Variants in TBC1D14 observed in about 807,000 individuals in gnomAD.
TBC1D14 encodes the protein TBC1 domain family member 14, also known as TBC1 domain family, member 14.
Under a neutral mutation model 79.0 loss-of-function variants are expected in TBC1D14, and 26 were observed. That is an observed-to-expected ratio of 0.33 (90% confidence interval 0.24 to 0.46). TBC1D14 has a LOEUF of 0.46. Ranked by LOEUF, TBC1D14 falls within the 20% of genes least tolerant of loss-of-function variation. The probability of loss-of-function intolerance (pLI) is 1.00; values close to 1 mark genes in which losing one functional copy is unlikely to be tolerated. For missense variants in TBC1D14, 769 were observed against 887.6 expected (o/e 0.87, Z 1.70); for synonymous variants, 394 against 349.9 (o/e 1.13, Z -1.40).
chr4:6,916,322 T>C (rs1723397493), intron 1 of TBC1D14, among the ~76,000 whole-genome samples: 1 of 152,090 alleles, frequency 6.6e-6, no homozygotes, highest in Non-Finnish European at 1.5e-5. Context: ...GAGTGCTTCG[T>C]GCTCCAGCCC....
At chr4:7,021,498 G>A (rs947346828) in intron 12 of TBC1D14, among the ~76,000 whole-genome samples, 1 of 152,146 alleles carries the variant, frequency 6.6e-6, no homozygotes, top group African/African-American at 2.4e-5. Context: ...TCAGGAGGCT[G>A]AGCTAGGAGG....
intron 7 of TBC1D14, among the ~76,000 whole-genome samples, chr4:7,001,781 C>G (rs1218172758): frequency 6.6e-6 from 1 of 152,176 alleles, no homozygotes; most frequent in Non-Finnish European, 1.5e-5. Context: ...TGTACACTTC[C>G]TCCCTCAGGC....
At chr4:7,009,835 G>A (rs369202019) in intron 9 of TBC1D14, 42 bp from the exon 10 acceptor site, 4 of 1,598,272 alleles carry the variant, frequency 2.5e-6, no homozygotes, top group Non-Finnish European at 2.6e-6. Flanking sequence ...AGCACTAACA[G>A]TACTCATGCA....
Position 7,006,549 on chromosome 4 carries a change from G to T in TBC1D14, c.1352-83G>T. On this transcript the variant is annotated intron_variant, in intron 8 of 13. Transcript: ENST00000409757. The stretch of plus-strand genomic sequence containing the variant: ...TCTGAAAAACTTTTTTCCGTGTTTT[G>T]TTCTTGTAAAACTTCAAAGGCTCGT... The T allele has an allele frequency of 5.4e-6, 7 of 1,302,900 alleles. No homozygotes were observed. The Admixed American group carries it at 6.1e-5, about 11-fold the overall frequency. The allele number at this position is 1,302,900 out of a possible 1,614,324, so 80.7% of individuals were successfully genotyped here.
chr4:6,972,469 C>T (rs1010094281), intron 3 of TBC1D14, among the ~76,000 whole-genome samples: 1 of 152,174 alleles, frequency 6.6e-6, no homozygotes, highest in African/African-American at 2.4e-5. Context: ...CCAGGCTGCC[C>T]GTTCGCCCAC....
At chr4:6,915,366 C>T in intron 1 of TBC1D14, among the ~76,000 whole-genome samples, 1 of 152,252 alleles carries the variant, frequency 6.6e-6, no homozygotes, top group East Asian at 1.9e-4. Context: ...GGTTGGGGGT[C>T]ACTGCACCTG....
At chr4:6,944,543 T>C (rs1449742040) in intron 2 of TBC1D14, among the ~76,000 whole-genome samples, 1 of 152,154 alleles carries the variant, frequency 6.6e-6, no homozygotes, top group African/African-American at 2.4e-5. Context: ...CCGGGAGCCG[T>C]CTGTCCTTGG....
intron 1 of TBC1D14, chr4:6,910,324 G>GC (rs1364391727): frequency 6.6e-6 from 1 of 152,406 alleles, no homozygotes; most frequent in Admixed American, 6.5e-5. Context: ...CGACCCCGGA[G>GC]CCCCCTTCCA....
chr4:7,014,699 G>T, intron 12 of TBC1D14, 142 bp downstream of exon 12: 5 of 624,332 alleles, frequency 8.0e-6, no homozygotes, highest in Non-Finnish European at 1.4e-5. Context: ...CTGCCCTTGA[G>T]TTTTATTTCC....
chr4:6,924,057 C>A lies in TBC1D14; in HGVS notation c.668C>A (p.Ala223Asp), dbSNP rs1176318258. Residue 223 changes from alanine (A) to aspartate (D), a missense_variant, in exon 2 of 14, where the codon GCT becomes GAT. Ala to Asp is a moderately radical substitution (Grantham distance 126). Around this residue, in one of 2 missense-constraint regions of TBC1D14, gnomAD observed 402 missense variants for 393.2 expected, o/e 1.02. Coordinates refer to ENST00000409757, the MANE Select transcript of TBC1D14 (RefSeq NM_020773.3). ...CACCAGCAGGACTGTGTTCATGAAG[C>A]TGAGGAGGGGAGTAAATTGAAAATA... ...GLHQQDCVHEAEEGSKLKILG... is the reference protein window; with the variant it reads ...GLHQQDCVHEDEEGSKLKILG... The A allele has an allele frequency of 6.2e-7, 1 of 1,613,896 alleles. No homozygotes were observed. Among genetic ancestry groups the A allele is most frequent in the African/African-American group, 1.3e-5 (1 of 74,938 alleles).
intron 3 of TBC1D14, among the ~76,000 whole-genome samples, chr4:6,992,975 C>A (rs1718659227): frequency 6.6e-6 from 1 of 152,232 alleles, no homozygotes; most frequent in Non-Finnish European, 1.5e-5. Flanking sequence ...TGGTGCACGT[C>A]CTTCTCATAG....
At chr4:6,966,199 T>G (rs561075901) in intron 2 of TBC1D14, among the ~76,000 whole-genome samples, 46 of 152,226 alleles carry the variant, frequency 3.0e-4, no homozygotes, top group Non-Finnish European at 4.7e-4. Context: ...GGCTACTGTT[T>G]CTTTTAGACA....
intron 2 of TBC1D14, among the ~76,000 whole-genome samples, chr4:6,938,401 A>G (rs559688063): frequency 6.6e-6 from 1 of 152,238 alleles, no homozygotes. Context: ...CCAAGAGGAA[A>G]CATCTGGGAG....
At chr4:6,967,849 C>A (rs1364118205) in intron 3 of TBC1D14, among the ~76,000 whole-genome samples, 1 of 151,888 alleles carries the variant, frequency 6.6e-6, no homozygotes, top group Admixed American at 6.5e-5. Flanking sequence ...GGCCGACATT[C>A]CCCGGCTCTG....
At chr4:6,992,771 C>T (rs550115878) in intron 3 of TBC1D14, among the ~76,000 whole-genome samples, 4 of 152,332 alleles carry the variant, frequency 2.6e-5, no homozygotes, top group East Asian at 1.9e-4. Flanking sequence ...TCTTAGGTCA[C>T]GGCTGTGTAC....
intron 2 of TBC1D14, among the ~76,000 whole-genome samples, chr4:6,926,129 T>C (rs67386718): frequency 0.13 from 20,054 of 152,224 alleles, 1,792 homozygotes; most frequent in African/African-American, 0.25. Flanking sequence ...ATTATGCTGT[T>C]GACGAACGCC....
chr4:6,927,460 C>T (rs1244083479), intron 2 of TBC1D14, among the ~76,000 whole-genome samples: 1 of 152,150 alleles, frequency 6.6e-6, no homozygotes, highest in African/African-American at 2.4e-5. Flanking sequence ...TCAAATAGAG[C>T]ATTTAACTTC....
Position 6,950,117 on chromosome 4 carries a change from C to T in TBC1D14, c.723-17187C>T, listed in dbSNP as rs111234396. On this transcript the variant is annotated intron_variant, in intron 2 of 13. Transcript: ENST00000409757. ...GTGATGTTCGCTCCCTGTGTCCATG[C>T]GTACTCATTGTTCAACTCCCCCTTA... Among the ~76,000 whole-genome samples, 1,390 of 152,224 alleles carry T rather than the reference C, an allele frequency of 9.1e-3. 15 individuals carry two copies. Among genetic ancestry groups the T allele is most frequent in the Non-Finnish European group, 0.015 (1,032 of 68,026 alleles).
intron 13 of TBC1D14, among the ~76,000 whole-genome samples, chr4:7,025,560 A>G (rs1216219556): frequency 2.0e-5 from 3 of 152,182 alleles, no homozygotes; most frequent in Non-Finnish European, 2.9e-5. Context: ...TACATGTTAG[A>G]AAGTACTTTG....
Sources: gnomAD v4.1 joint callset for allele counts (sites outside exome capture counted in the v4.1 genomes callset) on GRCh38, gnomAD v4.1.1 for gene constraint, gnomAD v4.1.1 regional missense constraint, MANE v1.5 for transcripts, NCBI Gene and HGNC (gene_info 2026-07-23, HGNC 2026-07-21) for gene names.